ADAMTS17: variants seen among roughly 807,000 people sequenced by gnomAD.
The protein encoded by ADAMTS17 is ADAM metallopeptidase with thrombospondin type 1 motif 17, also known as A disintegrin and metalloproteinase with thrombospondin motifs 17.
Under a neutral mutation model 141.5 loss-of-function variants are expected in ADAMTS17, and 113 were observed. That is an observed-to-expected ratio of 0.80 (90% CI 0.69 to 0.93). ADAMTS17 has a LOEUF of 0.93. Among genes scored for constraint, ADAMTS17 ranks in the 40% least tolerant of loss-of-function variants. The pLI is 0.00. For synonymous variants in ADAMTS17, 768 were observed against 630.6 expected, an observed-to-expected ratio of 1.22 and a Z score of -3.27; for missense variants, 1,659 against 1,517.9, an observed-to-expected ratio of 1.09 and a Z score of -1.54.
chr15:100,146,366 T>G (rs978698375), intron 10 of ADAMTS17, among the ~76,000 whole-genome samples: 2 of 152,238 alleles, frequency 1.3e-5, no homozygotes, highest in African/African-American at 4.8e-5. Flanking sequence ...TTCTTATGCC[T>G]GTCTTTACTG....
At chr15:100,265,557 A>C (rs911511138) in intron 4 of ADAMTS17, among the ~76,000 whole-genome samples, 5 of 152,186 alleles carry the variant, frequency 3.3e-5, no homozygotes, top group African/African-American at 1.2e-4. Flanking sequence ...TTCTCTGGCT[A>C]GGCAATGTAG....
intron 3 of ADAMTS17, among the ~76,000 whole-genome samples, chr15:100,320,953 G>A (rs948843976): frequency 1.3e-5 from 2 of 152,238 alleles, no homozygotes; most frequent in South Asian, 4.1e-4. Flanking sequence ...GCCCAGGGAA[G>A]AGGGTTGCAA....
At chr15:100,177,381 C>T (rs1047902901) in intron 8 of ADAMTS17, among the ~76,000 whole-genome samples, 10 of 152,098 alleles carry the variant, frequency 6.6e-5, no homozygotes, top group Non-Finnish European at 5.9e-5. Context: ...TTTTTTATTT[C>T]CAATGAAGTT....
intron 17 of ADAMTS17, among the ~76,000 whole-genome samples, chr15:100,050,048 C>T (rs2032019738): frequency 6.6e-6 from 1 of 152,196 alleles, no homozygotes; most frequent in Admixed American, 6.5e-5. Flanking sequence ...GGGTCTGTGT[C>T]CTGGGCAATT....
intron 7 of ADAMTS17, among the ~76,000 whole-genome samples, chr15:100,233,390 T>C (rs1800781512): frequency 1.3e-5 from 2 of 152,172 alleles, no homozygotes. Flanking sequence ...CGCCGTTTTT[T>C]AAGATGGTCA....
At chr15:100,076,447 G>C (rs192399136) in intron 15 of ADAMTS17, among the ~76,000 whole-genome samples, 186 of 152,268 alleles carry the variant, frequency 1.2e-3, no homozygotes, top group African/African-American at 4.4e-3. Flanking sequence ...ATTTTGCCAA[G>C]ATTTTTAAAA....
chr15:100,240,585 C>T (rs1436456106), intron 7 of ADAMTS17, among the ~76,000 whole-genome samples: 2 of 152,142 alleles, frequency 1.3e-5, no homozygotes, highest in African/African-American at 2.4e-5. Context: ...AGAGGGCACC[C>T]GAGGAATCTA....
At chr15:100,253,123 C>A (rs967517749) in intron 7 of ADAMTS17, among the ~76,000 whole-genome samples, 4 of 151,794 alleles carry the variant, frequency 2.6e-5, no homozygotes, top group African/African-American at 9.7e-5. Context: ...TAAACATACA[C>A]GATTCACAAT....
intron 7 of ADAMTS17, among the ~76,000 whole-genome samples, chr15:100,215,280 G>A (rs564623849): frequency 2.7e-4 from 41 of 152,326 alleles, no homozygotes; most frequent in Admixed American, 2.6e-4. Flanking sequence ...CTGCTTGTGA[G>A]ATGAGCTGAC....
rs557207404 is a variant in ADAMTS17, at chr15:99,998,602, C to A, written c.2592-1013G>T. Among the ~76,000 whole-genome samples, 113 of 152,090 alleles carry A rather than the reference C, an allele frequency of 7.4e-4. 2 individuals are homozygous for A. The South Asian group carries it at 0.017, about 23-fold the overall frequency. On this transcript the variant is annotated intron_variant, in intron 18 of 21. Coordinates refer to ENST00000268070, the MANE Select transcript of ADAMTS17 (RefSeq NM_139057.4). ...CTGGGTGACAGAGTGAGACTGTATC[C>A]CCCAAAAAATAAAAACAAAAAATAA...
intron 14 of ADAMTS17, among the ~76,000 whole-genome samples, chr15:100,104,044 G>A (rs1384426400): frequency 1.3e-5 from 2 of 152,224 alleles, no homozygotes; most frequent in African/African-American, 4.8e-5. Context: ...CAAGGAAGTA[G>A]GAACTGAATT....
intron 8 of ADAMTS17, among the ~76,000 whole-genome samples, chr15:100,196,486 C>G (rs79264807): frequency 0.019 from 2,897 of 152,336 alleles, 80 homozygotes; most frequent in African/African-American, 0.064. Flanking sequence ...AATCGCCCTA[C>G]GACGCACATT....
At chr15:100,123,530 A>G (rs559998257) in intron 12 of ADAMTS17, among the ~76,000 whole-genome samples, 1 of 152,288 alleles carries the variant, frequency 6.6e-6, no homozygotes, top group South Asian at 2.1e-4. Context: ...CTCATCCTGA[A>G]ATGAGGACTG....
intron 7 of ADAMTS17, among the ~76,000 whole-genome samples, chr15:100,237,633 GT>G (rs987037029): frequency 6.6e-6 from 1 of 151,664 alleles, no homozygotes; most frequent in Non-Finnish European, 1.5e-5. Context: ...TTTTGTTTTT[GT>G]TTTTTTTGAG....
intron 4 of ADAMTS17, among the ~76,000 whole-genome samples, chr15:100,279,634 G>A (rs1187785821): frequency 6.6e-6 from 1 of 152,204 alleles, no homozygotes. Flanking sequence ...CTGATAAGCA[G>A]CAGACTGAAA....
chr15:100,300,790 G>A (rs1170767576), intron 3 of ADAMTS17, among the ~76,000 whole-genome samples: 1 of 152,216 alleles, frequency 6.6e-6, no homozygotes, highest in Non-Finnish European at 1.5e-5. Flanking sequence ...TCTGGAACAT[G>A]CTGCAGCTCC....
chr15:100,175,800 C>G (rs1265244743), intron 8 of ADAMTS17, among the ~76,000 whole-genome samples: 3 of 152,106 alleles, frequency 2.0e-5, no homozygotes, highest in Non-Finnish European at 4.4e-5. Flanking sequence ...TGCAACGGAG[C>G]CTGCCTGCTT....
chr15:100,138,585 G>C (rs2038456822), intron 10 of ADAMTS17, among the ~76,000 whole-genome samples: 1 of 152,200 alleles, frequency 6.6e-6, no homozygotes, highest in African/African-American at 2.4e-5. Flanking sequence ...CCAGAATGCA[G>C]CCTGCAGAGG....
chr15:100,334,944 T>C (rs11852696), intron 2 of ADAMTS17, among the ~76,000 whole-genome samples: 1 of 152,084 alleles, frequency 6.6e-6, no homozygotes, highest in East Asian at 1.9e-4. Flanking sequence ...TTGAGCCTGG[T>C]CACCTCCCTG....
Sources: gnomAD v4.1 joint callset for allele counts (sites outside exome capture counted in the v4.1 genomes callset) on GRCh38, gnomAD v4.1.1 for gene constraint, MANE v1.5 for transcripts, NCBI Gene and HGNC (gene_info 2026-07-23, HGNC 2026-07-21) for gene names.